TTLL8: variants seen among roughly 807,000 people sequenced by gnomAD.
The protein encoded by TTLL8 is protein monoglycylase TTLL8.
In TTLL8, 65 loss-of-function variants were observed where a neutral mutation model predicts 77.8. The observed-to-expected ratio is 0.84, with a 90% CI of 0.68 to 1.03. TTLL8 has a LOEUF of 1.03. Among genes scored for constraint, TTLL8 ranks in the 50% least tolerant of loss-of-function variants. TTLL8 has a pLI of 0.00. For missense variants in TTLL8, 910 were observed against 1,004.5 expected, an observed-to-expected ratio of 0.91 and a Z score of 1.27; for synonymous variants, 402 against 422.8, an observed-to-expected ratio of 0.95 and a Z score of 0.60.
At chr22:50,053,435 T>G (rs987506525) in intron 1 of TTLL8, among the ~76,000 whole-genome samples, 2 of 152,176 alleles carry the variant, frequency 1.3e-5, no homozygotes, top group Non-Finnish European at 2.9e-5. Context: ...TAACATGAAC[T>G]GTAAAATACT....
At chr22:50,021,792 GTGCACTCCTCCATCTGACA>G (rs2061202667) in intron 12 of TTLL8, among the ~76,000 whole-genome samples, 21 of 134,972 alleles carry the variant, frequency 1.6e-4, no homozygotes, top group African/African-American at 5.6e-4. Flanking sequence ...ATCTGACGAC[GTGCACTCCTCCATCTGACA>G]TGCACTCCTC....
chr22:50,044,884 T>C lies in TTLL8; in HGVS notation c.643+371A>G, dbSNP rs1375336779. On this transcript the variant is annotated intron_variant, in intron 6 of 13. Transcript: ENST00000266182. This position sits in a 1 kb window ranked among gnomAD's most constrained non-coding sequence, Gnocchi z 4.2. Reference sequence around the variant, plus strand: ...GCGCCTCTCCCCTGGGCTTCCTGTGTCCTCTCCCACGGGGCCCCTTTGGGG... The same window carrying C: ...GCGCCTCTCCCCTGGGCTTCCTGTGCCCTCTCCCACGGGGCCCCTTTGGGG... Among the ~76,000 whole-genome samples, 1 of 152,138 alleles carries C rather than the reference T, an allele frequency of 6.6e-6. No homozygotes were observed. The highest frequency in any genetic ancestry group is 1.9e-4 in the East Asian group (1 of 5,180).
At chr22:50,052,843 G>A (rs534314030) in intron 1 of TTLL8, among the ~76,000 whole-genome samples, 1 of 152,334 alleles carries the variant, frequency 6.6e-6, no homozygotes, top group South Asian at 2.1e-4. Flanking sequence ...CTCAGTAATT[G>A]ATAGAATGCA....
At chr22:50,033,312 G>A (rs2061311756) in exon 10 of TTLL8, 2 of 1,364,918 alleles carry the variant, frequency 1.5e-6, no homozygotes, top group South Asian at 2.3e-5. Context: ...ACTGTCTGAT[G>A]TCGAACTTGG....
chr22:50,047,027 G>A (rs1174274936), intron 4 of TTLL8, 141 bp downstream of exon 6: 15 of 1,165,698 alleles, frequency 1.3e-5, no homozygotes, highest in Middle Eastern at 3.9e-4. Context: ...TTCTGGCCAC[G>A]GCCTTAGACC....
chr22:50,029,687 C>A (rs137901), intron 12 of TTLL8, among the ~76,000 whole-genome samples: 2 of 151,866 alleles, frequency 1.3e-5, no homozygotes, highest in African/African-American at 4.8e-5. Flanking sequence ...GCCGAGATCG[C>A]GCCACGGCAC....
chr22:50,033,940 G>A (rs2146654694), intron 9 of TTLL8, among the ~76,000 whole-genome samples: 1 of 152,322 alleles, frequency 6.6e-6, no homozygotes, highest in South Asian at 2.1e-4. Context: ...GGCTAAGGCA[G>A]GAGAATTGCT....
rs951377440 is a variant in TTLL8, at chr22:50,052,139, C to T, written c.52-1892G>A. ...CACCGCTCTGGGCCGCTGTCTACTC[C>T]GATAATCAGTCTGAGGCCTGTCACC... On this transcript the variant is annotated intron_variant, in intron 1 of 13. Transcript: ENST00000266182. Among the ~76,000 whole-genome samples, 3 of 149,894 alleles carry T rather than the reference C, an allele frequency of 2.0e-5. No homozygotes were observed. In the Admixed American group the frequency reaches 2.0e-4, roughly 10 times the overall value.
intron 12 of TTLL8, among the ~76,000 whole-genome samples, chr22:50,019,245 G>A (rs553996722): frequency 2.1e-4 from 32 of 152,252 alleles, no homozygotes; most frequent in African/African-American, 7.0e-4. Flanking sequence ...ACCAAAATGA[G>A]AGAAGAAGCG....
chr22:50,055,409 T>C (rs944982090), upstream of TTLL8: 4 of 1,053,838 alleles, frequency 3.8e-6, no homozygotes, highest in South Asian at 4.3e-5. Flanking sequence ...ATCCCAGCAC[T>C]GTGGGAGGCC....
upstream of TTLL8, among the ~76,000 whole-genome samples, chr22:50,058,249 G>A (rs940114991): frequency 2.0e-5 from 3 of 150,764 alleles, no homozygotes; most frequent in Non-Finnish European, 3.0e-5. This position sits in a 1 kb window ranked among gnomAD's most constrained non-coding sequence, Gnocchi z 4.2. Context: ...TGCACCCCCG[G>A]TGCGGCGGCT....
chr22:50,053,331 A>G (rs1196286257), intron 1 of TTLL8, among the ~76,000 whole-genome samples: 1 of 152,178 alleles, frequency 6.6e-6, no homozygotes, highest in African/African-American at 2.4e-5. Context: ...TGCACATAGC[A>G]CATTCTCGAC....
chr22:50,046,586 A>G (rs2061413339), intron 4 of TTLL8, among the ~76,000 whole-genome samples: 1 of 152,234 alleles, frequency 6.6e-6, no homozygotes, highest in African/African-American at 2.4e-5. Flanking sequence ...ACCCTGGGGT[A>G]TTAGGTGCGG....
chr22:50,029,999 C>G (rs1038265589), intron 12 of TTLL8, among the ~76,000 whole-genome samples: 1 of 152,252 alleles, frequency 6.6e-6, no homozygotes, highest in African/African-American at 2.4e-5. Flanking sequence ...AGGCCTGTCA[C>G]CTCAGCCTCC....
intron 12 of TTLL8, among the ~76,000 whole-genome samples, chr22:50,019,780 C>T (rs530045515): frequency 6.6e-6 from 1 of 152,312 alleles, no homozygotes; most frequent in African/African-American, 2.4e-5. Flanking sequence ...GTTTGCTTTG[C>T]CACAGCTCTG....
intron 1 of TTLL8, among the ~76,000 whole-genome samples, chr22:50,052,763 A>T (rs927630279): frequency 2.0e-5 from 3 of 152,262 alleles, no homozygotes; most frequent in Non-Finnish European, 4.4e-5. Flanking sequence ...GGCATTAGTT[A>T]TAAAAAACAA....
chr22:50,031,575 T>C (rs2061293146), intron 11 of TTLL8, 111 bp downstream of exon 12: 1 of 1,192,160 alleles, frequency 8.4e-7, no homozygotes, highest in African/African-American at 1.6e-5. Flanking sequence ...GTGTCCTCCA[T>C]AGACCCCGCT....
rs955497036 is a variant in TTLL8 at position 50,034,608 on chromosome 22, C to T, written c.922-146G>A. On this transcript the variant is annotated intron_variant, in intron 8 of 13. Transcript: ENST00000266182. This position sits in a 1 kb window ranked among gnomAD's most constrained non-coding sequence, Gnocchi z 4.1. ...CTAGGATGGTCTGGGGCTGGCCTGG[C>T]GGGAAAGGGCTGCGGGTCGGCCCAG... 1.0e-5 allele frequency: 8 copies of T among 802,084 alleles called. No individual in the cohort carries two copies. The highest frequency in any genetic ancestry group is 1.7e-5 in the South Asian group (1 of 58,964). 49.7% of individuals were successfully genotyped at this position (802,084 alleles called of 1,614,324 possible). A position where few individuals can be genotyped will look rare whatever the true frequency, so the allele number is the denominator to read the frequency against.
intron 8 of TTLL8, among the ~76,000 whole-genome samples, chr22:50,035,517 C>A (rs2061330051): frequency 6.6e-6 from 1 of 152,166 alleles, no homozygotes; most frequent in South Asian, 2.1e-4. Flanking sequence ...GGCAGTGGCA[C>A]CTCCTGGCTC....
Sources: gnomAD v4.1 joint callset for allele counts (sites outside exome capture counted in the v4.1 genomes callset) on GRCh38, gnomAD v4.1.1 for gene constraint, Gnocchi (gnomAD v3.1) non-coding constraint, MANE v1.5 for transcripts, NCBI Gene and HGNC (gene_info 2026-07-23, HGNC 2026-07-21) for gene names.